Variants in ATRNL1 observed in about 807,000 individuals in gnomAD.
ATRNL1 encodes the protein attractin-like protein 1.
ATRNL1 carries 95 observed loss-of-function variants against 182.7 expected under a neutral mutation model. The observed-to-expected ratio is 0.52, with a 90% CI of 0.44 to 0.62. The LOEUF (loss-of-function observed/expected upper bound fraction) is 0.62. Ranked by LOEUF, ATRNL1 falls within the 20% of genes least tolerant of loss-of-function variation. The pLI, the probability that ATRNL1 is intolerant of heterozygous loss-of-function variation, is 0.00. For missense variants in ATRNL1, 1,471 were observed against 1,679.5 expected (o/e 0.88, Z 2.17); for synonymous variants, 576 against 568.3 (o/e 1.01, Z -0.19).
chr10:115,519,078 T>C (rs1465780196), intron 24 of ATRNL1, among the ~76,000 whole-genome samples, 185 bp from the exon 25 acceptor site: 1 of 152,144 alleles, frequency 6.6e-6, no homozygotes, highest in East Asian at 1.9e-4. Flanking sequence ...ACTATGACCA[T>C]CATTAGCAGT....
intron 28 of ATRNL1, among the ~76,000 whole-genome samples, chr10:115,879,372 A>G (rs1389290164): frequency 6.6e-6 from 1 of 152,174 alleles, no homozygotes; most frequent in East Asian, 1.9e-4. Flanking sequence ...GCCTTGGCCA[A>G]GATGACATGG....
In ATRNL1 at chr10:115,120,227, C is replaced by T; in HGVS notation, c.336C>T (p.Asn112=). The T allele has an allele frequency of 6.3e-7, 1 of 1,577,414 alleles. No homozygotes were observed. The highest frequency in any genetic ancestry group is 2.3e-5 in the East Asian group (1 of 44,230). The change falls in exon 2 of 29, where the codon AAC becomes AAT. Residue 112 remains asparagine, a synonymous_variant. Transcript: ENST00000355044. ...PSGYLTDGPI[N]YKYKTKCTWL... is the part of the protein sequence containing the mutation. ...GATATTTAACAGATGGCCCAATTAA[C>T]TATAAATATAAAACTAAATGTACTT...
chr10:115,284,596 G>C (rs782536967), intron 14 of ATRNL1, among the ~76,000 whole-genome samples: 4 of 152,138 alleles, frequency 2.6e-5, no homozygotes, highest in South Asian at 2.1e-4. Context: ...AACCGTGAAC[G>C]AACAGGAGTC....
At chr10:115,571,136 T>A (rs1854365633) in intron 26 of ATRNL1, among the ~76,000 whole-genome samples, 1 of 152,162 alleles carries the variant, frequency 6.6e-6, no homozygotes, top group Admixed American at 6.5e-5. Context: ...CTGGCTTTTC[T>A]TATACCATGG....
intron 28 of ATRNL1, among the ~76,000 whole-genome samples, chr10:115,867,729 A>ATT (rs1951470871): frequency 2.8e-5 from 1 of 35,710 alleles, no homozygotes; most frequent in African/African-American, 6.0e-5. Context: ...CCACCCTGTG[A>ATT]ATTTTTTTTT....
At chr10:115,908,836 T>C (rs1347652023) in intron 28 of ATRNL1, among the ~76,000 whole-genome samples, 2 of 152,204 alleles carry the variant, frequency 1.3e-5, no homozygotes, top group African/African-American at 4.8e-5. Flanking sequence ...CCTCTCTTCC[T>C]ACTCATTACT....
chr10:115,557,214 C>A (rs1359549871), intron 26 of ATRNL1, among the ~76,000 whole-genome samples: 1 of 152,080 alleles, frequency 6.6e-6, no homozygotes, highest in Non-Finnish European at 1.5e-5. Flanking sequence ...TTTGGTACAT[C>A]TACTAGACAT....
At chr10:115,254,060 A>G (rs1342247887) in intron 10 of ATRNL1, among the ~76,000 whole-genome samples, 2 of 152,192 alleles carry the variant, frequency 1.3e-5, no homozygotes, top group African/African-American at 4.8e-5. Flanking sequence ...GTTGGTTCCA[A>G]GCCTTTGCTA....
chr10:115,119,562 G>A (rs1554870973), intron 1 of ATRNL1, among the ~76,000 whole-genome samples: 1 of 151,882 alleles, frequency 6.6e-6, no homozygotes, highest in Non-Finnish European at 1.5e-5. Context: ...TGAAAATAGA[G>A]TTTTTCCAAA....
At chr10:115,315,433 T>C in intron 17 of ATRNL1, 85 bp from the exon 18 acceptor site, 1 of 997,526 alleles carries the variant, frequency 1.0e-6, no homozygotes, top group Non-Finnish European at 1.5e-6. Flanking sequence ...GTTTTTATCA[T>C]GATCATATTT....
chr10:115,616,662 C>T (rs1440784708), intron 26 of ATRNL1, among the ~76,000 whole-genome samples: 1 of 152,212 alleles, frequency 6.6e-6, no homozygotes, highest in Non-Finnish European at 1.5e-5. Context: ...TCCCCACATC[C>T]TAGTCACTCC....
chr10:115,747,010 A>G (rs147400663), intron 27 of ATRNL1, among the ~76,000 whole-genome samples: 35 of 152,234 alleles, frequency 2.3e-4, no homozygotes, highest in Admixed American at 1.2e-3. Flanking sequence ...TTCCATAGCT[A>G]GCAATAACAT....
chr10:115,251,265 C>T (rs1392934906), intron 10 of ATRNL1, among the ~76,000 whole-genome samples: 1 of 152,182 alleles, frequency 6.6e-6, no homozygotes, highest in Non-Finnish European at 1.5e-5. Flanking sequence ...TACCCACTCT[C>T]TCTGGAATGT....
chr10:115,504,913 G>A lies in ATRNL1; in HGVS notation c.3655-14350G>A, dbSNP rs182961370. Among the ~76,000 whole-genome samples the A allele has an allele frequency of 1.3e-4, 20 of 152,064 alleles. 1 individual carries two copies. Among genetic ancestry groups the A allele is most frequent in the Admixed American group, 1.1e-3 (17 of 15,260 alleles). On this transcript the variant is annotated intron_variant, in intron 24 of 28. Coordinates refer to ENST00000355044, the MANE Select transcript of ATRNL1 (RefSeq NM_207303.4). ...ATAGAAGTACATCTTTAGATTTATA[G>A]ATTTATAAAGACCTTTTTTTCTATC...
chr10:115,219,992 C>A (rs1011711501), intron 9 of ATRNL1, among the ~76,000 whole-genome samples: 3 of 152,112 alleles, frequency 2.0e-5, no homozygotes, highest in African/African-American at 4.8e-5. Context: ...CAAAAACAAA[C>A]GTTTTATTGT....
chr10:115,818,764 G>T (rs1401802178), intron 27 of ATRNL1, among the ~76,000 whole-genome samples: 5 of 152,012 alleles, frequency 3.3e-5, no homozygotes, highest in Non-Finnish European at 5.9e-5. Flanking sequence ...TACTTCACTG[G>T]CTGTAGCTTT....
chr10:115,431,190 TG>T (rs1327067344), intron 21 of ATRNL1, among the ~76,000 whole-genome samples: 2 of 151,996 alleles, frequency 1.3e-5, no homozygotes, highest in Non-Finnish European at 2.9e-5. Context: ...GCGAATCACC[TG>T]AGGTAGGGAG....
chr10:115,882,066 C>G (rs1017822), intron 28 of ATRNL1, among the ~76,000 whole-genome samples: 81,615 of 152,036 alleles, frequency 0.54, 23,356 homozygotes, highest in East Asian at 0.75. Context: ...TGGTTCCTAA[C>G]ACTCATGCCC....
chr10:115,187,562 A>G (rs2144206498), intron 8 of ATRNL1, among the ~76,000 whole-genome samples: 1 of 152,222 alleles, frequency 6.6e-6, no homozygotes, highest in East Asian at 1.9e-4. Context: ...TTATGTACTC[A>G]GTTCACAAAA....
Sources: gnomAD v4.1 joint callset for allele counts (sites outside exome capture counted in the v4.1 genomes callset) on GRCh38, gnomAD v4.1.1 for gene constraint, MANE v1.5 for transcripts, NCBI Gene and HGNC (gene_info 2026-07-23, HGNC 2026-07-21) for gene names.